TRA2A: variants seen among roughly 807,000 people sequenced by gnomAD.
TRA2A encodes transformer-2 protein homolog alpha.
Under a neutral mutation model 45.7 loss-of-function variants are expected in TRA2A, and 31 were observed. That is an observed-to-expected ratio of 0.68 (90% CI 0.51 to 0.92). The LOEUF is 0.92. Ranked by LOEUF, TRA2A falls within the 40% of genes least tolerant of loss-of-function variation. TRA2A has a pLI of 0.00. For missense variants in TRA2A, 304 were observed against 367.5 expected (o/e 0.83, Z 1.41); for synonymous variants, 132 against 126.2 (o/e 1.05, Z -0.31).
intron 1 of TRA2A, 164 bp downstream of exon 1, chr7:23,531,624 AG>A: frequency 2.9e-6 from 2 of 679,670 alleles, no homozygotes; most frequent in Non-Finnish European, 5.0e-6. Flanking sequence ...TGTTTGGGGA[AG>A]GAGTGGAACC....
rs1227197737 is a variant in TRA2A, at chr7:23,531,903, G to T, written c.-79C>A. The T allele has an allele frequency of 6.6e-6, 10 of 1,507,066 alleles. No homozygotes were observed. The highest frequency in any genetic ancestry group is 9.2e-6 in the Non-Finnish European group (10 of 1,090,836). The allele number at this position is 1,507,066 out of a possible 1,614,324, so 93.4% of individuals were successfully genotyped here. On this transcript the variant is annotated 5_prime_UTR_variant, in exon 1 of 8. Transcript: ENST00000297071. ...CGATGGCCTAATTAACCCGCTGACT[G>T]GACCGTGGGGAAGAGGAAAGAGTCG...
Position 23,521,831 on chromosome 7 carries a change from A to C in TRA2A, c.46T>G (p.Ser16Ala). 6.2e-7 allele frequency: 1 copy of C among 1,614,154 alleles called. No homozygotes were observed. Among genetic ancestry groups the C allele is most frequent in the Non-Finnish European group, 8.5e-7 (1 of 1,180,024 alleles). ...ENNFEGRESR[S>A]QSKSPTGTPA... Reference sequence around the variant, plus strand: ...GTTCCCGTTGGAGATTTTGACTGAGAGCGAGACTCCTAACAAAGAAGACAG... The same window carrying C: ...GTTCCCGTTGGAGATTTTGACTGAGCGCGAGACTCCTAACAAAGAAGACAG... The change falls in exon 2 of 8, where the codon TCT becomes GCT. Residue 16 changes from serine (S) to alanine (A), a missense_variant. This residue lies in a region of TRA2A where 132 missense variants were observed against 113.4 expected (regional missense o/e 1.16). Transcript: ENST00000297071.
chr7:23,517,812 T>C (rs990881287), intron 2 of TRA2A, among the ~76,000 whole-genome samples: 6 of 151,692 alleles, frequency 4.0e-5, no homozygotes, highest in African/African-American at 1.5e-4. Context: ...CTTGGGAGGC[T>C]GAGGCACGAG....
intron 4 of TRA2A, among the ~76,000 whole-genome samples, chr7:23,512,616 G>A (rs991060338): frequency 6.6e-5 from 10 of 151,968 alleles, no homozygotes; most frequent in Admixed American, 6.6e-5. Context: ...CGGCCACCAC[G>A]CCTGGCTAAT....
chr7:23,523,340 G>A (rs1790212846), intron 1 of TRA2A, among the ~76,000 whole-genome samples: 1 of 152,092 alleles, frequency 6.6e-6, no homozygotes, highest in Admixed American at 6.6e-5. Flanking sequence ...ATAACTTACT[G>A]ATCATAAGCT....
At chr7:23,506,845 G>A (rs542179435) in intron 5 of TRA2A, among the ~76,000 whole-genome samples, 7 of 152,140 alleles carry the variant, frequency 4.6e-5, no homozygotes, top group Admixed American at 6.6e-5. Context: ...GTGCGATCTC[G>A]GCTCACTGCA....
intron 4 of TRA2A, among the ~76,000 whole-genome samples, chr7:23,512,466 CT>C (rs1413220984): frequency 6.0e-5 from 9 of 150,340 alleles, no homozygotes; most frequent in African/African-American, 7.3e-5. Flanking sequence ...AAGATCCTAT[CT>C]TTTTTTTTTG....
At chr7:23,515,902 T>C (rs1584123940) in intron 3 of TRA2A, among the ~76,000 whole-genome samples, 1 of 150,908 alleles carries the variant, frequency 6.6e-6, no homozygotes, top group South Asian at 2.2e-4. Flanking sequence ...CGGCCAGGCA[T>C]GGTAGCTCAC....
chr7:23,524,183 T>C (rs1259788216), intron 1 of TRA2A, among the ~76,000 whole-genome samples: 1 of 152,110 alleles, frequency 6.6e-6, no homozygotes, highest in Non-Finnish European at 1.5e-5. Context: ...TTAAGAGATG[T>C]TAGCTTATTT....
intron 4 of TRA2A, among the ~76,000 whole-genome samples, chr7:23,512,118 AT>A: frequency 6.6e-6 from 1 of 152,350 alleles, no homozygotes; most frequent in South Asian, 2.1e-4. Flanking sequence ...GGATATGCCT[AT>A]AGCAGAGAGC....
chr7:23,520,709 A>G (rs1465870304), intron 2 of TRA2A, among the ~76,000 whole-genome samples: 1 of 145,908 alleles, frequency 6.9e-6, no homozygotes, highest in Non-Finnish European at 1.5e-5. Flanking sequence ...TTTTTTTTTA[A>G]AAAGAAAGAG....
intron 4 of TRA2A, among the ~76,000 whole-genome samples, chr7:23,510,784 T>C (rs1789565210): frequency 6.6e-6 from 1 of 152,156 alleles, no homozygotes. Context: ...TATTTCTAAA[T>C]TGATAACATG....
At chr7:23,517,257 C>T (rs938018250) in intron 2 of TRA2A, among the ~76,000 whole-genome samples, 2 of 151,182 alleles carry the variant, frequency 1.3e-5, no homozygotes, top group Non-Finnish European at 2.9e-5. Context: ...CCGAGGCGGG[C>T]GGATCACGAG....
At chr7:23,523,102 G>C (rs908363938) in intron 1 of TRA2A, among the ~76,000 whole-genome samples, 1 of 152,030 alleles carries the variant, frequency 6.6e-6, no homozygotes, top group Non-Finnish European at 1.5e-5. Context: ...TTTGCAACCA[G>C]ATCACTTTAA....
At chr7:23,527,898 G>C (rs1464638377) in intron 1 of TRA2A, among the ~76,000 whole-genome samples, 1 of 152,070 alleles carries the variant, frequency 6.6e-6, no homozygotes, top group East Asian at 1.9e-4. Flanking sequence ...ATAAAAATTT[G>C]AGATTTTAAT....
Position 23,505,568 on chromosome 7 carries a change from TC to T in TRA2A, c.839del (p.Arg280AsnfsTer75). On this transcript the variant is annotated frameshift_variant and splice_region_variant, in exon 8 of 8. Coordinates refer to ENST00000297071, the MANE Select transcript of TRA2A (RefSeq NM_013293.5). LOFTEE classifies it high-confidence loss of function. ...TGCAACCATTCCGTTATCAATAGCG[TC>T]CTAAAAGAGAAAAAGCAAAAAAAAA... ...SRSRSRSYSP[R>X]RY The T allele has an allele frequency of 2.4e-6, 1 of 422,738 alleles. No individual in the cohort carries two copies. Among genetic ancestry groups the T allele is most frequent in the South Asian group, 3.4e-5 (1 of 29,158 alleles). The allele number at this position is 422,738 out of a possible 1,614,324, so 26.2% of individuals were successfully genotyped here.
At chr7:23,521,623 T>C (rs1584136821) in intron 2 of TRA2A, 84 bp downstream of exon 2, 1 of 1,503,762 alleles carries the variant, frequency 6.6e-7, no homozygotes, top group Non-Finnish European at 9.1e-7. Flanking sequence ...TTTCGTGAAA[T>C]TTCTACACAA....
intron 6 of TRA2A, 91 bp from the exon 7 acceptor site, chr7:23,505,904 T>C (rs1159117283): frequency 4.8e-6 from 4 of 833,482 alleles, no homozygotes; most frequent in Non-Finnish European, 7.4e-6. Flanking sequence ...AAAATAATAA[T>C]GTACCTAAGG....
rs1789264153 is a variant in TRA2A, at chr7:23,505,334, A to T, written c.*225T>A. 2.4e-6 allele frequency: 1 copy of T among 410,990 alleles called. No individual in the cohort carries two copies. The highest frequency in any genetic ancestry group is 4.3e-6 in the Non-Finnish European group (1 of 230,512). The allele number at this position is 410,990 out of a possible 1,614,324, so 25.5% of individuals were successfully genotyped here. On this transcript the variant is annotated 3_prime_UTR_variant, in exon 8 of 8. Transcript: ENST00000297071. ...AACATAACATTGGGGTTCTTTTTAT[A>T]CTCAAGATGTTTAACTGTTCAAAAT...
Sources: allele counts gnomAD v4.1 joint callset (sites outside exome capture counted in the v4.1 genomes callset), GRCh38; gene constraint gnomAD v4.1.1; regional missense constraint gnomAD v4.1.1; transcripts MANE v1.5; gene names NCBI Gene and HGNC (gene_info 2026-07-23, HGNC 2026-07-21).